Variants in RNF125 observed in about 807,000 individuals in gnomAD.
The protein encoded by RNF125 is E3 ubiquitin-protein ligase RNF125.
A neutral mutation model predicts 26.0 loss-of-function variants in RNF125; 21 were observed. The observed-to-expected ratio is 0.81, with a 90% confidence interval of 0.57 to 1.16. The LOEUF (loss-of-function observed/expected upper bound fraction) is 1.16, where lower values mean the gene tolerates loss of function less well. RNF125 is among the 50% of genes most tolerant of loss of function. RNF125 has a pLI of 0.00. For missense variants in RNF125, 270 were observed against 299.4 expected (o/e 0.90, Z 0.72); for synonymous variants, 95 against 109.2 (o/e 0.87, Z 0.81).
chr18:32,034,868 T>C (rs1346938180), intron 1 of RNF125, among the ~76,000 whole-genome samples: 1 of 147,462 alleles, frequency 6.8e-6, no homozygotes, highest in Non-Finnish European at 1.5e-5. Flanking sequence ...TGAGCCGAGA[T>C]TGTACCTGGG....
At chr18:32,036,632 G>T (rs1329537896) in intron 1 of RNF125, among the ~76,000 whole-genome samples, 1 of 122,536 alleles carries the variant, frequency 8.2e-6, no homozygotes, top group Non-Finnish European at 1.7e-5. Flanking sequence ...GGAGAGGGGA[G>T]GGAGGGAGGG....
chr18:32,082,315 TAC>T, the RNF125 span, among the ~76,000 whole-genome samples: 1 of 152,144 alleles, frequency 6.6e-6, no homozygotes, highest in South Asian at 2.1e-4. Flanking sequence ...TATATGTATA[TAC>T]ACACACAAAC....
chr18:32,044,801 A>G (rs950195754), intron 3 of RNF125, among the ~76,000 whole-genome samples: 1 of 152,118 alleles, frequency 6.6e-6, no homozygotes, highest in African/African-American at 2.4e-5. Flanking sequence ...ATCAGCCTAT[A>G]TTGTTAATTT....
At chr18:32,034,157 C>T (rs1470322389) in intron 1 of RNF125, among the ~76,000 whole-genome samples, 1 of 152,182 alleles carries the variant, frequency 6.6e-6, no homozygotes, top group African/African-American at 2.4e-5. Context: ...GGGTTATTCC[C>T]CTCCTTGCCA....
intron 4 of RNF125, among the ~76,000 whole-genome samples, chr18:32,058,473 G>C (rs1047737540): frequency 1.3e-5 from 2 of 151,956 alleles, no homozygotes; most frequent in African/African-American, 4.8e-5. Context: ...AGCCTCCCAA[G>C]TAGCTAGGAC....
intron 1 of RNF125, among the ~76,000 whole-genome samples, chr18:32,020,664 T>G (rs1306964080): frequency 6.6e-6 from 1 of 151,708 alleles, no homozygotes; most frequent in Non-Finnish European, 1.5e-5. Context: ...ATCCTAGCAC[T>G]TTGGGAAGCC....
chr18:32,033,559 G>T (rs1243780924), intron 1 of RNF125, among the ~76,000 whole-genome samples: 1 of 148,988 alleles, frequency 6.7e-6, no homozygotes, highest in Non-Finnish European at 1.5e-5. Flanking sequence ...AGTGGCTCAT[G>T]CCTGTAATCC....
chr18:32,058,209 G>A (rs2039403945), intron 4 of RNF125, among the ~76,000 whole-genome samples: 1 of 151,716 alleles, frequency 6.6e-6, no homozygotes, highest in African/African-American at 2.4e-5. Context: ...TTTTGTGGAT[G>A]CATAGTAGGT....
chr18:32,043,792 T>C (rs1413225734), intron 3 of RNF125, among the ~76,000 whole-genome samples: 1 of 152,200 alleles, frequency 6.6e-6, no homozygotes, highest in East Asian at 1.9e-4. Flanking sequence ...AATATTTTGA[T>C]TTATGATAAA....
At chr18:32,079,492 T>C in the RNF125 span, among the ~76,000 whole-genome samples, 1 of 152,208 alleles carries the variant, frequency 6.6e-6, no homozygotes, top group African/African-American at 2.4e-5. Flanking sequence ...TGTATTTTCT[T>C]AGCAATAAAG....
chr18:32,048,115 C>G (rs1340055380), intron 4 of RNF125, among the ~76,000 whole-genome samples: 1 of 151,006 alleles, frequency 6.6e-6, no homozygotes, highest in Admixed American at 6.6e-5. Context: ...GGTGATAAAA[C>G]AAGAACCTGT....
At chr18:32,036,833 G>C (rs1473100923) in intron 1 of RNF125, among the ~76,000 whole-genome samples, 1 of 152,020 alleles carries the variant, frequency 6.6e-6, no homozygotes, top group South Asian at 2.1e-4. Flanking sequence ...TTAAAGTATC[G>C]TTTAAACTTA....
In RNF125 at chr18:32,068,355, G is replaced by C. The variant is rs377245557; in HGVS notation, c.670G>C (p.Glu224Gln). The C allele has an allele frequency of 6.3e-6, 10 of 1,596,654 alleles. No homozygotes were observed. Among genetic ancestry groups the C allele is most frequent in the Non-Finnish European group, 6.9e-6 (8 of 1,164,466 alleles). ...IRRVLDRSLL[E>Q]YVNHSNTT is the part of the protein sequence containing the mutation. The stretch of plus-strand genomic sequence containing the variant: ...AAGAGTCTTAGACCGGTCACTTCTT[G>C]AATATGTGAATCACTCGAACACCAC... The change falls in exon 6 of 6, where the codon GAA becomes CAA. Residue 224 changes from glutamate (E) to glutamine (Q), a missense_variant. Glu to Gln is a conservative substitution (Grantham distance 29, BLOSUM62 2). Coordinates refer to ENST00000217740, the MANE Select transcript of RNF125 (RefSeq NM_017831.4).
chr18:32,048,318 C>T (rs374090080), intron 4 of RNF125, among the ~76,000 whole-genome samples: 5 of 150,566 alleles, frequency 3.3e-5, no homozygotes, highest in Admixed American at 6.6e-5. Context: ...CCCAGCTACT[C>T]GGGAGGCTGA....
the RNF125 span, among the ~76,000 whole-genome samples, chr18:32,089,816 A>G: frequency 1.3e-5 from 2 of 151,782 alleles, no homozygotes; most frequent in South Asian, 4.1e-4. Context: ...GAAAGAATGA[A>G]GCAAATAAAA....
rs375019678 is a variant in RNF125, at chr18:32,041,599, C to G, written c.319-580C>G. Among the ~76,000 whole-genome samples the G allele has an allele frequency of 1.1e-3, 152 of 135,658 alleles. 6 individuals are homozygous for G. The South Asian group carries it at 0.036, about 32-fold the overall frequency. The allele number at this position is 135,658 out of a possible 152,430, so 89.0% of individuals were successfully genotyped here. A position where few individuals can be genotyped will look rare whatever the true frequency, so the allele number is the denominator to read the frequency against. On this transcript the variant is annotated intron_variant, in intron 2 of 5. Coordinates refer to ENST00000217740, the MANE Select transcript of RNF125 (RefSeq NM_017831.4). ...TAAATTTGAGTCACCACACATCTAT[C>G]TACTTTAAAAAATGTAGATGCTTTT... is the stretch of plus-strand genomic sequence containing the variant.
At chr18:32,064,399 T>TTTC (rs1458341695) in intron 4 of RNF125, among the ~76,000 whole-genome samples, 2 of 119,472 alleles carry the variant, frequency 1.7e-5, no homozygotes, top group African/African-American at 6.0e-5. Flanking sequence ...TCTTTTTCTT[T>TTTC]TTTTTTTTTT....
intron 5 of RNF125, among the ~76,000 whole-genome samples, chr18:32,067,865 G>A (rs1386014042): frequency 6.6e-6 from 1 of 152,154 alleles, no homozygotes; most frequent in African/African-American, 2.4e-5. Context: ...TGACACATAG[G>A]AGGCAAGGAG....
In RNF125 at chr18:32,072,965, T is replaced by G. The variant is rs1057163670; in HGVS notation, c.*4581T>G. 6.6e-6 allele frequency: 1 copy of G among 152,222 alleles called. No homozygotes were observed. Among genetic ancestry groups the G allele is most frequent in the Non-Finnish European group, 1.5e-5 (1 of 68,040 alleles). 9.4% of individuals were successfully genotyped at this position (152,222 alleles called of 1,614,324 possible). A position where few individuals can be genotyped will look rare whatever the true frequency, so the allele number is the denominator to read the frequency against. On this transcript the variant is annotated 3_prime_UTR_variant, in exon 6 of 6. Coordinates refer to ENST00000217740, the MANE Select transcript of RNF125 (RefSeq NM_017831.4). Reference sequence around the variant, plus strand: ...GTTACTGGGTGCCAAGTGTCTTTCATTTGGAAGTGAACTTACTCCAGTTAT... The same window carrying G: ...GTTACTGGGTGCCAAGTGTCTTTCAGTTGGAAGTGAACTTACTCCAGTTAT...
Sources: allele counts gnomAD v4.1 joint callset (sites outside exome capture counted in the v4.1 genomes callset), GRCh38; gene constraint gnomAD v4.1.1; transcripts MANE v1.5; gene names NCBI Gene and HGNC (gene_info 2026-07-23, HGNC 2026-07-21).